Variants in SAMD4A observed in about 807,000 individuals in gnomAD.
SAMD4A encodes sterile alpha motif domain containing 4A.
In SAMD4A, 33 loss-of-function variants were observed where a neutral mutation model predicts 81.3. The ratio of observed to expected loss-of-function variants is 0.41; its 90% confidence interval spans 0.31 to 0.54. The LOEUF is 0.54. Among genes scored for constraint, SAMD4A ranks in the 20% least tolerant of loss-of-function variants. SAMD4A has a pLI of 0.37. For synonymous variants in SAMD4A, 389 were observed against 382.1 expected, an observed-to-expected ratio of 1.02 and a Z score of -0.21; for missense variants, 854 against 951.1, an observed-to-expected ratio of 0.90 and a Z score of 1.34.
intron 3 of SAMD4A, among the ~76,000 whole-genome samples, chr14:54,734,046 A>G (rs1455959897): frequency 6.6e-6 from 1 of 152,198 alleles, no homozygotes; most frequent in Non-Finnish European, 1.5e-5. Flanking sequence ...ATGCCAAACA[A>G]AGTGCTCCAG....
At chr14:54,618,232 G>A (rs937283666) in intron 2 of SAMD4A, among the ~76,000 whole-genome samples, 14 of 152,220 alleles carry the variant, frequency 9.2e-5, no homozygotes, top group Middle Eastern at 3.4e-3. Flanking sequence ...ACCAGCTCCC[G>A]TGAGCTGATC....
intron 7 of SAMD4A, among the ~76,000 whole-genome samples, chr14:54,761,640 C>T (rs530385926): frequency 2.8e-4 from 43 of 152,360 alleles, no homozygotes; most frequent in Admixed American, 7.8e-4. Flanking sequence ...GGACACAGCA[C>T]TGCTAGCACT....
In SAMD4A at chr14:54,684,173, A is replaced by G. The variant is rs1298505597; in HGVS notation, c.197-17889A>G. On this transcript the variant is annotated intron_variant, in intron 2 of 12. Transcript: ENST00000554335. ...TTTTCAAGGGTGCTACCTTAAAGCC[A>G]TTAGTTTAGCAAATTAACTGATATT... 5.3e-5 allele frequency among the ~76,000 whole-genome samples: 8 copies of G among 152,320 alleles called. No homozygotes were observed. In the East Asian group the frequency reaches 1.5e-3, roughly 29 times the overall value.
intron 10 of SAMD4A, among the ~76,000 whole-genome samples, chr14:54,775,998 G>A (rs1301424657): frequency 2.4e-5 from 3 of 123,892 alleles, no homozygotes; most frequent in Non-Finnish European, 4.8e-5. Flanking sequence ...TCGCTTTGGA[G>A]TACATTGTAA....
intron 2 of SAMD4A, among the ~76,000 whole-genome samples, chr14:54,576,001 CTTTT>C (rs57819180): frequency 1.9e-4 from 15 of 79,994 alleles, no homozygotes; most frequent in African/African-American, 7.4e-4. Context: ...TTCTTTCTTT[CTTTT>C]TTTTTTTTTT....
intron 11 of SAMD4A, among the ~76,000 whole-genome samples, chr14:54,782,525 G>A (rs1594940567): frequency 6.6e-6 from 1 of 152,108 alleles, no homozygotes; most frequent in East Asian, 1.9e-4. Context: ...AGTGGGTGGG[G>A]GCGGTGGAGA....
intron 3 of SAMD4A, among the ~76,000 whole-genome samples, chr14:54,717,862 C>T (rs548953583): frequency 6.7e-6 from 1 of 148,644 alleles, no homozygotes; most frequent in East Asian, 2.0e-4. Flanking sequence ...AGATGTCTTG[C>T]AAGCAAATAT....
chr14:54,681,967 A>G, intron 2 of SAMD4A: 2 of 985,420 alleles, frequency 2.0e-6, no homozygotes, highest in Non-Finnish European at 2.4e-6. Flanking sequence ...GACAGACCAC[A>G]AAATAATTAT....
At position 54,702,415 on chromosome 14, in the gene SAMD4A, G is replaced by A; in HGVS notation, c.550G>A (p.Asp184Asn). 1.2e-6 allele frequency: 2 copies of A among 1,614,168 alleles called. No individual in the cohort carries two copies. Among genetic ancestry groups the A allele is most frequent in the East Asian group, 2.2e-5 (1 of 44,886 alleles). ...THYYHQRQNS[D>N]DKLNGWQNSR... ...CTACTATCACCAAAGACAGAACTCT[G>A]ATGACAAGCTCAATGGGTGGCAGAA... Residue 184 changes from aspartate (D) to asparagine (N), a missense_variant, in exon 3 of 13, where the codon GAT becomes AAT. Asp to Asn is a conservative substitution (Grantham distance 23). Transcript: ENST00000554335.
intron 2 of SAMD4A, among the ~76,000 whole-genome samples, chr14:54,599,328 C>G (rs574829594): frequency 2.0e-5 from 3 of 152,202 alleles, no homozygotes; most frequent in East Asian, 3.9e-4. Context: ...ATAAAGGCAA[C>G]CTCTTAGGCG....
rs2035596197 is a variant in SAMD4A, at chr14:54,659,659, C to T, written c.197-42403C>T. Among the ~76,000 whole-genome samples, 4 of 152,298 alleles carry T rather than the reference C, an allele frequency of 2.6e-5. No homozygotes were observed. In the South Asian group the frequency reaches 8.3e-4, roughly 32 times the overall value. ...GTAGATGAATATGTCTCCTCCCCAA[C>T]CTCAGGTGCTGATAGTCATGAGGTA... On this transcript the variant is annotated intron_variant, in intron 2 of 12. Coordinates refer to ENST00000554335, the MANE Select transcript of SAMD4A (RefSeq NM_015589.6).
chr14:54,615,596 T>TTTCTTAAAAGGGTGTTCCAGG lies in SAMD4A; in HGVS notation c.196+47488_196+47508dup, dbSNP rs1378805855. The stretch of plus-strand genomic sequence containing the variant: ...TCCCTGATCACCTCTTATAGCATGA[T>TTTCTTAAAAGGGTGTTCCAGG]TTCTTAAAAGGGTGTTCCAGGTTCC... On this transcript the variant is annotated intron_variant, in intron 2 of 12. Coordinates refer to ENST00000554335, the MANE Select transcript of SAMD4A (RefSeq NM_015589.6). Among the ~76,000 whole-genome samples the TTTCTTAAAAGGGTGTTCCAGG allele has an allele frequency of 2.0e-5, 3 of 152,222 alleles. No homozygotes were observed. The East Asian group carries it at 5.8e-4, about 29-fold the overall frequency.
intron 2 of SAMD4A, among the ~76,000 whole-genome samples, chr14:54,636,773 G>A (rs1286896209): frequency 2.6e-5 from 4 of 152,220 alleles, no homozygotes; most frequent in Non-Finnish European, 1.5e-5. Context: ...CAACTGAAAA[G>A]ATGGAGATGC....
At chr14:54,675,239 G>A (rs564056746) in intron 2 of SAMD4A, among the ~76,000 whole-genome samples, 12 of 152,026 alleles carry the variant, frequency 7.9e-5, no homozygotes, top group East Asian at 7.8e-4. Flanking sequence ...GGTGGCGGGC[G>A]CCTGTAATCC....
rs1193433088 is a variant in SAMD4A, at chr14:54,789,264, G to C, written c.*320G>C. ...CTCTCTGGATGGAACGGGGACAGGG[G>C]AAAGAGTACTGCCATGAAAGAGATA... is the stretch of plus-strand genomic sequence containing the variant. On this transcript the variant is annotated 3_prime_UTR_variant, in exon 13 of 13. Transcript: ENST00000554335. The C allele has an allele frequency of 2.2e-6, 1 of 452,684 alleles. No homozygotes were observed. The highest frequency in any genetic ancestry group is 4.0e-6 in the Non-Finnish European group (1 of 248,064). The allele number at this position is 452,684 out of a possible 1,614,324, so 28.0% of individuals were successfully genotyped here. A position where few individuals can be genotyped will look rare whatever the true frequency, so the allele number is the denominator to read the frequency against.
intron 2 of SAMD4A, among the ~76,000 whole-genome samples, chr14:54,588,230 T>A (rs1454125344): frequency 6.6e-6 from 1 of 152,130 alleles, no homozygotes. Flanking sequence ...AGTTGTATTA[T>A]CTCCTGTTTC....
intron 3 of SAMD4A, among the ~76,000 whole-genome samples, chr14:54,735,866 A>T (rs1456461762): frequency 1.3e-5 from 2 of 152,204 alleles, no homozygotes; most frequent in African/African-American, 4.8e-5. Flanking sequence ...AACACCCACA[A>T]AGAAGTGCTC....
intron 2 of SAMD4A, among the ~76,000 whole-genome samples, chr14:54,605,283 A>C (rs933712785): frequency 3.3e-5 from 5 of 152,030 alleles, no homozygotes. Context: ...AAAAAAACCC[A>C]GCAGAGCATA....
At chr14:54,726,612 G>A (rs1055548276) in intron 3 of SAMD4A, among the ~76,000 whole-genome samples, 2 of 152,130 alleles carry the variant, frequency 1.3e-5, no homozygotes, top group Non-Finnish European at 2.9e-5. Context: ...AAAGTTTGGG[G>A]GAAAGTACTG....
Sources: allele counts gnomAD v4.1 joint callset (sites outside exome capture counted in the v4.1 genomes callset), GRCh38; gene constraint gnomAD v4.1.1; transcripts MANE v1.5; gene names NCBI Gene and HGNC (gene_info 2026-07-23, HGNC 2026-07-21).